Variants in SLC7A1 observed in about 807,000 individuals in gnomAD.
SLC7A1 encodes high affinity cationic amino acid transporter 1.
SLC7A1 carries 10 observed loss-of-function variants against 53.9 expected under a neutral mutation model. The observed-to-expected ratio is 0.19, with a 90% CI of 0.11 to 0.31. The LOEUF (loss-of-function observed/expected upper bound fraction) is 0.31, where lower values mean the gene tolerates loss of function less well. Ranked by LOEUF, SLC7A1 falls within the 10% of genes least tolerant of loss-of-function variation. SLC7A1 has a pLI of 1.00. For synonymous variants in SLC7A1, 342 were observed against 338.7 expected, an observed-to-expected ratio of 1.01 and a Z score of -0.11; for missense variants, 525 against 827.2, an observed-to-expected ratio of 0.63 and a Z score of 4.48.
At chr13:29,583,682 C>G (rs1042446018) in intron 1 of SLC7A1, among the ~76,000 whole-genome samples, 1 of 152,210 alleles carries the variant, frequency 6.6e-6, no homozygotes, top group Non-Finnish European at 1.5e-5. Context: ...ATGCCCTCAC[C>G]TTGACTCATC....
intron 4 of SLC7A1, 107 bp downstream of exon 4, chr13:29,532,717 G>A: frequency 1.0e-6 from 1 of 988,404 alleles, no homozygotes; most frequent in Non-Finnish European, 1.5e-6. Flanking sequence ...AAAAAGAAAT[G>A]GGGGTTATGG....
Position 29,511,523 on chromosome 13 carries a change from G to A in SLC7A1, c.*2957C>T, listed in dbSNP as rs912275941. ...GCAGGGATGATAAGTAGAGTGGGGG[G>A]TGTGTAGAGGCCTGGTCTCCTCCGG... On this transcript the variant is annotated 3_prime_UTR_variant, in exon 13 of 13. Transcript: ENST00000380752. The A allele has an allele frequency of 1.3e-5, 2 of 152,268 alleles. No homozygotes were observed. The highest frequency in any genetic ancestry group is 6.5e-5 in the Admixed American group (1 of 15,288). 9.4% of individuals were successfully genotyped at this position (152,268 alleles called of 1,614,324 possible).
At chr13:29,514,997 A>G (rs903088469) in intron 12 of SLC7A1, among the ~76,000 whole-genome samples, 2 of 152,204 alleles carry the variant, frequency 1.3e-5, no homozygotes, top group African/African-American at 4.8e-5. Context: ...GGACAGTCCC[A>G]CTGCCCATTT....
chr13:29,537,849 A>C (rs996914986), intron 2 of SLC7A1, among the ~76,000 whole-genome samples: 15 of 152,242 alleles, frequency 9.9e-5, no homozygotes, highest in African/African-American at 3.4e-4. Flanking sequence ...GGCTGCAATT[A>C]AATCAATTGA....
chr13:29,551,262 C>T (rs1870170080), intron 2 of SLC7A1, among the ~76,000 whole-genome samples: 1 of 152,148 alleles, frequency 6.6e-6, no homozygotes, highest in South Asian at 2.1e-4. Flanking sequence ...CTACTGTGTG[C>T]CCTCCCTCTT....
chr13:29,523,356 T>A lies in SLC7A1; in HGVS notation c.959A>T (p.Asn320Ile). 6.2e-7 allele frequency: 1 copy of A among 1,613,730 alleles called. No individual in the cohort carries two copies. The highest frequency in any genetic ancestry group is 8.5e-7 in the Non-Finnish European group (1 of 1,179,990). The change falls in exon 7 of 13, where the codon AAC (asparagine) becomes ATC (isoleucine). Residue 320 changes from asparagine (N) to isoleucine (I), a missense_variant. By Grantham distance (149) the Asn-to-Ile change is moderately radical. Transcript: ENST00000380752. ...CTTAAAGGCGTCGGGCAGGGGGCTG[T>A]TATTGTCCAGGCAGAAGTAGGGCAT... ...LMMPYFCLDN[N>I]SPLPDAFKHV...
intron 1 of SLC7A1, among the ~76,000 whole-genome samples, chr13:29,571,921 G>A (rs1157580811): frequency 6.6e-6 from 1 of 152,216 alleles, no homozygotes; most frequent in Non-Finnish European, 1.5e-5. Flanking sequence ...GTATTAAGCA[G>A]CCTCACTTCC....
Position 29,517,199 on chromosome 13 carries a change from A to G in SLC7A1, c.1622T>C (p.Val541Ala). 1 of 1,613,302 alleles carries G rather than the reference A, an allele frequency of 6.2e-7. No homozygotes were observed. The highest frequency in any genetic ancestry group is 1.1e-5 in the South Asian group (1 of 90,814). ...LLAGSALLCA[V>A]VTGVIWRQPE... is the part of the protein sequence containing the mutation. ...CTGCCTCCAGATGACGCCCGTGACC[A>G]CGGCACAGAGGAGGGCAGACCCTGC... The change falls in exon 11 of 13, where the codon GTG becomes GCG. Residue 541 changes from valine to alanine, a missense_variant. Val to Ala is a moderately conservative substitution (Grantham distance 64). Transcript: ENST00000380752.
chr13:29,566,952 C>T (rs972201312), intron 1 of SLC7A1, among the ~76,000 whole-genome samples: 4 of 152,160 alleles, frequency 2.6e-5, no homozygotes, highest in African/African-American at 7.2e-5. Flanking sequence ...CCACCCCACT[C>T]CCCTAGAAAT....
At chr13:29,517,059 C>T (rs1031517958) in intron 11 of SLC7A1, 85 bp downstream of exon 11, 23 of 1,353,848 alleles carry the variant, frequency 1.7e-5, no homozygotes, top group South Asian at 3.1e-5. Flanking sequence ...CACCCAGGCC[C>T]GGCTGAGCCC....
At chr13:29,584,335 C>T (rs894392392) in intron 1 of SLC7A1, among the ~76,000 whole-genome samples, 9 of 152,034 alleles carry the variant, frequency 5.9e-5, no homozygotes, top group Admixed American at 2.6e-4. Flanking sequence ...TTAGTAGAGA[C>T]GGGGTTTCAC....
chr13:29,524,760 G>A (rs555084216), intron 5 of SLC7A1, among the ~76,000 whole-genome samples: 3 of 152,330 alleles, frequency 2.0e-5, no homozygotes, highest in East Asian at 3.9e-4. Context: ...GTATGCACAA[G>A]GTGGAGTCCA....
intron 2 of SLC7A1, among the ~76,000 whole-genome samples, chr13:29,545,963 C>T (rs770403376): frequency 6.6e-6 from 1 of 152,210 alleles, no homozygotes; most frequent in African/African-American, 2.4e-5. Flanking sequence ...CTCGGGAGGG[C>T]GGTGCTTCAT....
At chr13:29,522,603 G>A in intron 7 of SLC7A1, 147 bp from the exon 8 acceptor site, 1 of 725,152 alleles carries the variant, frequency 1.4e-6, no homozygotes, top group Non-Finnish European at 2.3e-6. Flanking sequence ...GAGGCCTGTG[G>A]CTAAAAGACT....
intron 1 of SLC7A1, among the ~76,000 whole-genome samples, chr13:29,565,416 C>T (rs1020811629): frequency 5.3e-5 from 8 of 152,202 alleles, no homozygotes; most frequent in African/African-American, 1.9e-4. Flanking sequence ...AGAACAGGGC[C>T]TGGAGGAGCA....
chr13:29,517,186 G>C lies in SLC7A1; in HGVS notation c.1635C>G (p.Val545=). ...SALLCAVVTG[V]IWRQPESKTK... ...TCTTGCTCTCGGGCTGCCTCCAGAT[G>C]ACGCCCGTGACCACGGCACAGAGGA... Residue 545 remains valine (V), a synonymous_variant, in exon 11 of 13, where the codon GTC becomes GTG. Transcript: ENST00000380752. 6.2e-7 allele frequency: 1 copy of C among 1,612,828 alleles called. No individual in the cohort carries two copies. The highest frequency in any genetic ancestry group is 8.5e-7 in the Non-Finnish European group (1 of 1,179,516).
intron 4 of SLC7A1, among the ~76,000 whole-genome samples, 180 bp from the exon 5 acceptor site, chr13:29,530,892 G>C (rs11842525): frequency 0.047 from 7,202 of 152,136 alleles, 559 homozygotes; most frequent in African/African-American, 0.16. Context: ...CGGGGATCAG[G>C]GGTTTAAATC....
chr13:29,567,339 A>C (rs1871011268), intron 1 of SLC7A1, among the ~76,000 whole-genome samples: 1 of 152,190 alleles, frequency 6.6e-6, no homozygotes. Flanking sequence ...GATCTCAAAA[A>C]GAATAGGGTG....
chr13:29,550,079 T>TTGCC (rs1467694383), intron 2 of SLC7A1, among the ~76,000 whole-genome samples: 1 of 152,238 alleles, frequency 6.6e-6, no homozygotes, highest in Non-Finnish European at 1.5e-5. Context: ...TAAGGACCTC[T>TTGCC]TGCCTGCTAA....
Sources: gnomAD v4.1 joint callset for allele counts (sites outside exome capture counted in the v4.1 genomes callset) on GRCh38, gnomAD v4.1.1 for gene constraint, MANE v1.5 for transcripts, NCBI Gene and HGNC (gene_info 2026-07-23, HGNC 2026-07-21) for gene names.